The following MTUS1 variants were observed in gnomAD, a reference collection of about 807,000 sequenced individuals.
The protein encoded by MTUS1 is microtubule associated scaffold protein 1, also known as microtubule-associated tumor suppressor 1.
In MTUS1, 109 loss-of-function variants were observed where a neutral mutation model predicts 120.8. The ratio of observed to expected loss-of-function variants is 0.90; its 90% confidence interval spans 0.77 to 1.06. The LOEUF (loss-of-function observed/expected upper bound fraction) is 1.06, where lower values mean the gene tolerates loss of function less well. MTUS1 is among the 50% of genes least tolerant of loss of function. The pLI, the probability that MTUS1 is intolerant of heterozygous loss-of-function variation, is 0.00. For synonymous variants in MTUS1, 737 were observed against 550.5 expected, an observed-to-expected ratio of 1.34 and a Z score of -4.74; for missense variants, 2,210 against 1,486.3, an observed-to-expected ratio of 1.49 and a Z score of -8.01.
rs576382806 is a variant in MTUS1, at chr8:17,754,053, G to T, written c.1755C>A (p.Ser585Arg). 3.1e-5 allele frequency: 50 copies of T among 1,614,058 alleles called. No individual in the cohort carries two copies. In the African/African-American group the frequency reaches 5.7e-4, roughly 19 times the overall value. The change falls in exon 2 of 15, where the codon AGC (serine) becomes AGA (arginine). Residue 585 changes from serine to arginine, a missense_variant. By Grantham distance (110) the Ser-to-Arg change is moderately radical. Transcript: ENST00000693296. ...HKQQFNKLIT[S>R]QAVHVTTHSK... ...AATGAGTTGTAACATGCACAGCCTG[G>T]CTAGTAATGAGTTTATTAAACTGCT...
intron 1 of MTUS1, among the ~76,000 whole-genome samples, chr8:17,783,222 G>C (rs1170623797): frequency 3.3e-5 from 5 of 152,214 alleles, no homozygotes; most frequent in Non-Finnish European, 7.3e-5. Context: ...TCCTAGCTCT[G>C]ACAATAAGCA....
rs1563182892 is a variant in MTUS1, at chr8:17,676,679, G to A, written c.2839-1427C>T. ...AAGAAAAAACTGACCCCCTCTGCAT[G>A]GATAATGGAGTTATTTTTAGACTTG... is the stretch of plus-strand genomic sequence containing the variant. On this transcript the variant is annotated intron_variant, in intron 7 of 14. Transcript: ENST00000693296. Among the ~76,000 whole-genome samples, 3 of 152,116 alleles carry A rather than the reference G, an allele frequency of 2.0e-5. No homozygotes were observed. In the South Asian group the frequency reaches 6.2e-4, roughly 32 times the overall value.
intron 3 of MTUS1, among the ~76,000 whole-genome samples, chr8:17,742,110 G>T (rs928164208): frequency 1.3e-5 from 2 of 151,918 alleles, no homozygotes; most frequent in African/African-American, 4.8e-5. Flanking sequence ...CACCACCAAG[G>T]GACAGGGTTT....
chr8:17,737,274 G>C (rs1250277533), intron 3 of MTUS1, among the ~76,000 whole-genome samples: 3 of 152,154 alleles, frequency 2.0e-5, no homozygotes, highest in Non-Finnish European at 4.4e-5. Context: ...CTGTAGAATG[G>C]CGATTATCAC....
At position 17,684,202 on chromosome 8, in the gene MTUS1, G is replaced by C. The variant is rs930907536; in HGVS notation, c.2838+126C>G. 7 of 693,140 alleles carry C rather than the reference G, an allele frequency of 1.0e-5. No individual in the cohort carries two copies. In the African/African-American group the frequency reaches 1.2e-4, roughly 12 times the overall value. 42.9% of individuals were successfully genotyped at this position (693,140 alleles called of 1,614,324 possible). ...CTGGTGAAGTGACAAAAATGTAATG[G>C]GATGAATGACACCTGATCTTTCCCA... On this transcript the variant is annotated intron_variant, in intron 7 of 14. Coordinates refer to ENST00000693296, the MANE Select transcript of MTUS1 (RefSeq NM_001363059.2).
At chr8:17,752,012 G>A (rs962144775) in intron 2 of MTUS1, among the ~76,000 whole-genome samples, 1 of 151,910 alleles carries the variant, frequency 6.6e-6, no homozygotes, top group African/African-American at 2.4e-5. Context: ...GATTCCTGAG[G>A]CGAAAAGTGC....
chr8:17,686,435 A>G (rs766325706), intron 6 of MTUS1, among the ~76,000 whole-genome samples: 6 of 152,258 alleles, frequency 3.9e-5, no homozygotes, highest in Non-Finnish European at 5.9e-5. Flanking sequence ...TATAAACAAA[A>G]ATGTTCAAAT....
chr8:17,744,556 G>A (rs968866467), intron 2 of MTUS1, among the ~76,000 whole-genome samples: 4 of 152,060 alleles, frequency 2.6e-5, no homozygotes, highest in Non-Finnish European at 4.4e-5. Context: ...GAGTAGCTGG[G>A]ATTACGGGTG....
At chr8:17,647,681 T>TC (rs1806113265) in intron 13 of MTUS1, among the ~76,000 whole-genome samples, 1 of 152,256 alleles carries the variant, frequency 6.6e-6, no homozygotes, top group South Asian at 2.1e-4. Context: ...GATAGATAGG[T>TC]CTGTTCTCTT....
At chr8:17,716,198 C>T (rs1822297477) in intron 4 of MTUS1, among the ~76,000 whole-genome samples, 1 of 152,150 alleles carries the variant, frequency 6.6e-6, no homozygotes, top group Admixed American at 6.5e-5. Context: ...AATAATACAG[C>T]CACTTCATGC....
chr8:17,741,866 C>G (rs954128243), intron 3 of MTUS1, among the ~76,000 whole-genome samples: 3 of 152,120 alleles, frequency 2.0e-5, no homozygotes, highest in African/African-American at 7.2e-5. Flanking sequence ...TTCTCAGACA[C>G]TTACACTTTC....
At chr8:17,792,540 T>C (rs189120931) in intron 1 of MTUS1, among the ~76,000 whole-genome samples, 5 of 152,340 alleles carry the variant, frequency 3.3e-5, no homozygotes, top group South Asian at 2.1e-4. Flanking sequence ...GTAAATCCCT[T>C]TGCAGAGGTG....
chr8:17,753,868 C>T lies in MTUS1; in HGVS notation c.1940G>A (p.Ser647Asn). 2 of 1,614,180 alleles carry T rather than the reference C, an allele frequency of 1.2e-6. No individual in the cohort carries two copies. The highest frequency in any genetic ancestry group is 8.5e-7 in the Non-Finnish European group (1 of 1,180,034). The change falls in exon 2 of 15, where the codon AGT (serine) becomes AAT (asparagine). Residue 647 changes from serine (S) to asparagine (N), a missense_variant. Coordinates refer to ENST00000693296, the MANE Select transcript of MTUS1 (RefSeq NM_001363059.2). ...IKGILPVKME[S>N]AECLEMTYVP... ...ATAGGTCATTTCCAAACATTCTGCACTTTCCATTTTAACAGGGAGTATGCC... is the reference window on the plus strand; with the variant it reads ...ATAGGTCATTTCCAAACATTCTGCATTTTCCATTTTAACAGGGAGTATGCC...
intron 1 of MTUS1, among the ~76,000 whole-genome samples, chr8:17,757,598 C>G (rs1195439134): frequency 6.6e-6 from 1 of 152,204 alleles, no homozygotes; most frequent in Non-Finnish European, 1.5e-5. Flanking sequence ...GCAATCTCGG[C>G]TCACTGCAAC....
intron 4 of MTUS1, chr8:17,716,546 CTGTT>C (rs376606102): frequency 0.026 from 3,914 of 148,516 alleles, 59 homozygotes; most frequent in Middle Eastern, 0.07. Context: ...GGATTTTCTA[CTGTT>C]TGTTTGTTTG....
chr8:17,665,507 A>G (rs1810698424), intron 8 of MTUS1, among the ~76,000 whole-genome samples: 1 of 123,026 alleles, frequency 8.1e-6, no homozygotes, highest in South Asian at 3.1e-4. Flanking sequence ...AGCTGGATCT[A>G]CAACTCCAGC....
At position 17,754,969 on chromosome 8, in the gene MTUS1, T is replaced by A; in HGVS notation, c.839A>T (p.Gln280Leu). ...KVTSEYTDGS[Q>L]QRLVGEKETQ... ...CTCCTTTTCTCCAACTAGTCTTTGT[T>A]GTGATCCATCTGTGTACTCACTGGT... The change falls in exon 2 of 15, where the codon CAA (glutamine) becomes CTA (leucine). Residue 280 changes from glutamine (Q) to leucine (L), a missense_variant. Gln to Leu is a moderately radical substitution (Grantham distance 113, BLOSUM62 -2). Coordinates refer to ENST00000693296, the MANE Select transcript of MTUS1 (RefSeq NM_001363059.2). 1 of 1,614,124 alleles carries A rather than the reference T, an allele frequency of 6.2e-7. No homozygotes were observed. Among genetic ancestry groups the A allele is most frequent in the Non-Finnish European group, 8.5e-7 (1 of 1,179,982 alleles).
chr8:17,724,281 A>C, intron 3 of MTUS1: 1 of 228,178 alleles, frequency 4.4e-6, no homozygotes, highest in South Asian at 4.7e-5. Context: ...GTCCAAATAC[A>C]TCTTTGGAAT....
chr8:17,706,595 A>G (rs117479589), intron 6 of MTUS1, among the ~76,000 whole-genome samples: 1 of 152,198 alleles, frequency 6.6e-6, no homozygotes, highest in Non-Finnish European at 1.5e-5. Flanking sequence ...ACGGTATAAA[A>G]TGATATGAAG....
Sources: allele counts gnomAD v4.1 joint callset (sites outside exome capture counted in the v4.1 genomes callset), GRCh38; gene constraint gnomAD v4.1.1; transcripts MANE v1.5; gene names NCBI Gene and HGNC (gene_info 2026-07-23, HGNC 2026-07-21).